Variants in FSTL1 observed in about 807,000 individuals in gnomAD.
The protein encoded by FSTL1 is follistatin-related protein 1.
FSTL1 carries 24 observed loss-of-function variants against 45.9 expected under a neutral mutation model. The observed-to-expected ratio is 0.52, with a 90% confidence interval of 0.38 to 0.74. The LOEUF (loss-of-function observed/expected upper bound fraction) is 0.74, where lower values mean the gene tolerates loss of function less well. FSTL1 is among the 30% of genes least tolerant of loss of function. The pLI, the probability that FSTL1 is intolerant of heterozygous loss-of-function variation, is 0.00. For missense variants in FSTL1, 340 were observed against 381.8 expected, an observed-to-expected ratio of 0.89 and a Z score of 0.91; for synonymous variants, 120 against 137.6, an observed-to-expected ratio of 0.87 and a Z score of 0.89.
chr3:120,404,729 C>T, intron 7 of FSTL1, 124 bp downstream of exon 7: 1 of 695,668 alleles, frequency 1.4e-6, no homozygotes, highest in Non-Finnish European at 2.7e-6. Flanking sequence ...ACAGAATTCC[C>T]ATTTTGCTTT....
At chr3:120,417,148 G>A (rs1937200199) in intron 2 of FSTL1, among the ~76,000 whole-genome samples, 1 of 152,200 alleles carries the variant, frequency 6.6e-6, no homozygotes, top group Non-Finnish European at 1.5e-5. Context: ...CATGGGGCTG[G>A]CTGGGGTAAG....
intron 9 of FSTL1, among the ~76,000 whole-genome samples, chr3:120,400,293 C>T (rs1383551285): frequency 3.9e-5 from 6 of 152,166 alleles, no homozygotes; most frequent in Non-Finnish European, 8.8e-5. Flanking sequence ...GACAATGACT[C>T]TCAAGTCATT....
chr3:120,428,022 G>A (rs1338080699), intron 2 of FSTL1, among the ~76,000 whole-genome samples: 2 of 152,216 alleles, frequency 1.3e-5, no homozygotes, highest in South Asian at 2.1e-4. Flanking sequence ...AGTGCTTTGC[G>A]TGAACTCTTC....
At position 120,450,934 on chromosome 3, in the gene FSTL1, G is replaced by A; in HGVS notation, c.-38C>T. ...CAGGTCTCCTGGGGGCGCGGGGCAGGACGGCGGCAGCGAGCTGTAAGCGGA... is the reference window on the plus strand; with the variant it reads ...CAGGTCTCCTGGGGGCGCGGGGCAGAACGGCGGCAGCGAGCTGTAAGCGGA... On this transcript the variant is annotated 5_prime_UTR_variant, in exon 1 of 11. Transcript: ENST00000295633. 2.1e-6 allele frequency: 1 copy of A among 481,024 alleles called. No homozygotes were observed. The highest frequency in any genetic ancestry group is 3.7e-6 in the Non-Finnish European group (1 of 273,286). 29.8% of individuals were successfully genotyped at this position (481,024 alleles called of 1,614,324 possible).
intron 2 of FSTL1, chr3:120,423,922 AG>A (rs1937329552): frequency 7.0e-6 from 1 of 142,556 alleles, no homozygotes; most frequent in Non-Finnish European, 1.5e-5. Flanking sequence ...TTAGCTTGTT[AG>A]GTTTGAATAT....
chr3:120,423,374 G>A (rs759893488), intron 2 of FSTL1: 3 of 151,612 alleles, frequency 2.0e-5, no homozygotes, highest in East Asian at 1.9e-4. Flanking sequence ...TAGAATGATC[G>A]GTTCCTGTGT....
chr3:120,409,632 A>T lies in FSTL1; in HGVS notation c.362T>A (p.Leu121His), dbSNP rs1937012176. 6.2e-7 allele frequency: 1 copy of T among 1,614,072 alleles called. No homozygotes were observed. ...VVCYQSNRDE[L>H]RRRIIQWLEA... ...CAGCCACTGGATGATGCGACGTCGG[A>T]GCTCATCACGGTTGGACTGATAGCA... The change falls in exon 6 of 11, where the codon CTC becomes CAC. Residue 121 changes from leucine to histidine, a missense_variant. By Grantham distance (99) the Leu-to-His change is moderately conservative (BLOSUM62 -3). Transcript: ENST00000295633.
intron 2 of FSTL1, among the ~76,000 whole-genome samples, chr3:120,449,281 T>A (rs1385308728): frequency 6.6e-6 from 1 of 152,176 alleles, no homozygotes; most frequent in African/African-American, 2.4e-5. Context: ...ATTACAGGGT[T>A]TGGGAGCTTT....
At chr3:120,403,948 AAAC>A (rs545503703) in intron 7 of FSTL1, among the ~76,000 whole-genome samples, 28 of 103,914 alleles carry the variant, frequency 2.7e-4, no homozygotes, top group South Asian at 9.7e-4. Context: ...AAAAAAACAA[AAAC>A]AAAACAAAAC....
chr3:120,422,954 C>T (rs1488064635), intron 2 of FSTL1, among the ~76,000 whole-genome samples: 5 of 152,174 alleles, frequency 3.3e-5, no homozygotes, highest in Non-Finnish European at 4.4e-5. Flanking sequence ...CTCGGCCTTC[C>T]GAAGTGCTGG....
intron 5 of FSTL1, chr3:120,410,223 C>T (rs577162430): frequency 6.0e-6 from 1 of 166,062 alleles, no homozygotes; most frequent in East Asian, 1.7e-4. Context: ...AGCTGTTGTC[C>T]ACTGGAAATA....
At chr3:120,449,413 G>A (rs1226568193) in intron 2 of FSTL1, among the ~76,000 whole-genome samples, 5 of 152,134 alleles carry the variant, frequency 3.3e-5, no homozygotes, top group African/African-American at 4.8e-5. Context: ...CCTTGGGTCC[G>A]GAGCCAGACT....
intron 7 of FSTL1, 67 bp from the exon 8 acceptor site, chr3:120,403,421 C>T: frequency 2.1e-6 from 2 of 970,422 alleles, no homozygotes; most frequent in Non-Finnish European, 3.3e-6. Flanking sequence ...AGGAAGTAAG[C>T]ATCAGGACCA....
At chr3:120,403,422 A>C in intron 7 of FSTL1, 68 bp from the exon 8 acceptor site, 8 of 972,254 alleles carry the variant, frequency 8.2e-6, no homozygotes, top group South Asian at 1.3e-5. Context: ...GGAAGTAAGC[A>C]TCAGGACCAC....
rs979558937 is a variant in FSTL1 at position 120,392,795 on chromosome 3, C to A, written c.*4157G>T. ...GGGCTCTGAAGGCATCTGCTTAGAT[C>A]TATCTATGCATTCATATTTTTTCCC... is the stretch of plus-strand genomic sequence containing the variant. On this transcript the variant is annotated 3_prime_UTR_variant, in exon 11 of 11. Coordinates refer to ENST00000295633, the MANE Select transcript of FSTL1 (RefSeq NM_007085.5). 1 of 152,170 alleles carries A rather than the reference C, an allele frequency of 6.6e-6. No homozygotes were observed. The highest frequency in any genetic ancestry group is 1.5e-5 in the Non-Finnish European group (1 of 68,036). 9.4% of individuals were successfully genotyped at this position (152,170 alleles called of 1,614,324 possible). A position where few individuals can be genotyped will look rare whatever the true frequency, so the allele number is the denominator to read the frequency against.
intron 2 of FSTL1, among the ~76,000 whole-genome samples, chr3:120,441,710 G>A (rs755798464): frequency 9.9e-5 from 15 of 152,194 alleles, no homozygotes; most frequent in Admixed American, 2.0e-4. Context: ...TTTGGAGTTC[G>A]TCCCCTAGAG....
In FSTL1 at chr3:120,403,958, AAAC is replaced by A. The variant is rs1305994081; in HGVS notation, c.582-607_582-605del. Among the ~76,000 whole-genome samples, 76 of 61,444 alleles carry A rather than the reference AAAC, an allele frequency of 1.2e-3. 2 individuals are homozygous for A. Among genetic ancestry groups the A allele is most frequent in the African/African-American group, 5.6e-3 (66 of 11,758 alleles). The allele number at this position is 61,444 out of a possible 152,430, so 40.3% of individuals were successfully genotyped here. ...AAAAAAAAAAAACAAAAACAAAACA[AAAC>A]AAAAACAAAAACAAAAAAAAACAAA... On this transcript the variant is annotated intron_variant, in intron 7 of 10. Transcript: ENST00000295633.
chr3:120,406,814 A>G (rs1936956996), intron 6 of FSTL1, among the ~76,000 whole-genome samples: 1 of 152,184 alleles, frequency 6.6e-6, no homozygotes, highest in African/African-American at 2.4e-5. Context: ...CCAGCTCTAT[A>G]CAGGTTGATT....
At chr3:120,419,905 C>A (rs1024922794) in intron 2 of FSTL1, among the ~76,000 whole-genome samples, 1 of 152,164 alleles carries the variant, frequency 6.6e-6, no homozygotes, top group African/African-American at 2.4e-5. Flanking sequence ...ATATCTCTGT[C>A]CTCACAACCT....
Sources: gnomAD v4.1 joint callset for allele counts (sites outside exome capture counted in the v4.1 genomes callset) on GRCh38, gnomAD v4.1.1 for gene constraint, MANE v1.5 for transcripts, NCBI Gene and HGNC (gene_info 2026-07-23, HGNC 2026-07-21) for gene names.